FGF14: variants seen among roughly 807,000 people sequenced by gnomAD.
FGF14 encodes the protein fibroblast growth factor 14.
Under a neutral mutation model 25.5 loss-of-function variants are expected in FGF14, and 5 were observed. That is an observed-to-expected ratio of 0.20 (90% CI 0.10 to 0.41). The LOEUF (loss-of-function observed/expected upper bound fraction) is 0.41. Among genes scored for constraint, FGF14 ranks in the 10% least tolerant of loss-of-function variants. FGF14 has a pLI of 1.00. For synonymous variants in FGF14, 138 were observed against 118.3 expected, an observed-to-expected ratio of 1.17 and a Z score of -1.08; for missense variants, 222 against 320.1, an observed-to-expected ratio of 0.69 and a Z score of 2.34.
At chr13:101,843,211 G>A (rs2043277455) in intron 3 of FGF14, among the ~76,000 whole-genome samples, 1 of 151,982 alleles carries the variant, frequency 6.6e-6, no homozygotes, top group Non-Finnish European at 1.5e-5. Flanking sequence ...TTTAACACAG[G>A]TAACAGATCT....
chr13:101,846,572 G>A (rs1047731961), intron 3 of FGF14, among the ~76,000 whole-genome samples: 1 of 151,984 alleles, frequency 6.6e-6, no homozygotes, highest in East Asian at 1.9e-4. Flanking sequence ...TGGCTAAGAT[G>A]GAGAATGAAA....
chr13:102,339,694 AAGG>A (rs1219116122), intron 1 of FGF14, among the ~76,000 whole-genome samples: 6 of 152,204 alleles, frequency 3.9e-5, no homozygotes. Context: ...ATCAATCCAA[AAGG>A]AGGATAGAAA....
chr13:101,830,737 C>T (rs1246291305), intron 3 of FGF14, among the ~76,000 whole-genome samples: 1 of 152,048 alleles, frequency 6.6e-6, no homozygotes, highest in East Asian at 1.9e-4. Flanking sequence ...TTTCATCTTA[C>T]AGTTTTGCAG....
intron 1 of FGF14, among the ~76,000 whole-genome samples, chr13:102,274,857 G>A (rs1336711): frequency 0.78 from 117,293 of 151,258 alleles, 46,334 homozygotes; most frequent in African/African-American, 0.93. Context: ...TGTAACCAAT[G>A]TAGAGTTTTA....
intron 1 of FGF14, among the ~76,000 whole-genome samples, chr13:102,203,316 G>T (rs1342831713): frequency 6.6e-6 from 1 of 152,110 alleles, no homozygotes; most frequent in African/African-American, 2.4e-5. Flanking sequence ...TAAATCTCTT[G>T]AACTACGTGA....
chr13:102,305,014 A>C (rs756705600), intron 1 of FGF14, among the ~76,000 whole-genome samples: 1 of 152,216 alleles, frequency 6.6e-6, no homozygotes, highest in African/African-American at 2.4e-5. Flanking sequence ...GCAAAAAATA[A>C]CTAAAACAGT....
chr13:102,063,138 T>C (rs1292474485), intron 1 of FGF14, among the ~76,000 whole-genome samples: 3 of 152,196 alleles, frequency 2.0e-5, no homozygotes, highest in Non-Finnish European at 2.9e-5. Context: ...TGTATTCACA[T>C]AATATTATTA....
chr13:102,016,402 C>A (rs1170062374), intron 1 of FGF14, among the ~76,000 whole-genome samples: 1 of 151,846 alleles, frequency 6.6e-6, no homozygotes, highest in African/African-American at 2.4e-5. Context: ...TTAGAACAAA[C>A]AAGGAATAAT....
At chr13:102,097,017 A>G (rs1206287614) in intron 1 of FGF14, among the ~76,000 whole-genome samples, 1 of 140,956 alleles carries the variant, frequency 7.1e-6, no homozygotes, top group Non-Finnish European at 1.6e-5. Flanking sequence ...CTTCAGGCAA[A>G]TGACTGGAGG....
At chr13:102,377,310 G>C (rs1370847387) in intron 1 of FGF14, among the ~76,000 whole-genome samples, 1 of 152,236 alleles carries the variant, frequency 6.6e-6, no homozygotes, top group South Asian at 2.1e-4. Flanking sequence ...AAAAGCATCA[G>C]AGAATGGGAA....
At chr13:101,836,081 G>A (rs1345718966) in intron 3 of FGF14, among the ~76,000 whole-genome samples, 1 of 152,052 alleles carries the variant, frequency 6.6e-6, no homozygotes, top group African/African-American at 2.4e-5. Flanking sequence ...AAAACAGGCA[G>A]TAATTACTCT....
chr13:102,057,794 T>C (rs2042501372), intron 1 of FGF14, among the ~76,000 whole-genome samples: 1 of 152,198 alleles, frequency 6.6e-6, no homozygotes, highest in African/African-American at 2.4e-5. Flanking sequence ...ACTGAATACA[T>C]TTAACCACTG....
chr13:102,122,997 T>G (rs552251620), intron 1 of FGF14, among the ~76,000 whole-genome samples: 27 of 152,176 alleles, frequency 1.8e-4, no homozygotes, highest in Non-Finnish European at 3.4e-4. Flanking sequence ...AAAATTCACT[T>G]GACCAGACAC....
Position 101,715,663 on chromosome 13 carries a change from T to A in FGF14, c.*7168A>T. 1 of 1,570,082 alleles carries A rather than the reference T, an allele frequency of 6.4e-7. No homozygotes were observed. Among genetic ancestry groups the A allele is most frequent in the Non-Finnish European group, 8.8e-7 (1 of 1,140,036 alleles). On this transcript the variant is annotated 3_prime_UTR_variant, in exon 5 of 5. Transcript: ENST00000376143. ...GCTCAGAATATCCTTAACAATTACATGAGAGAGGTCTGGATTCTTATTTTT... is the reference window on the plus strand; with the variant it reads ...GCTCAGAATATCCTTAACAATTACAAGAGAGAGGTCTGGATTCTTATTTTT...
intron 3 of FGF14, among the ~76,000 whole-genome samples, chr13:101,730,874 G>A (rs2035763251): frequency 6.6e-6 from 1 of 152,148 alleles, no homozygotes; most frequent in African/African-American, 2.4e-5. Context: ...TGAAGACAGT[G>A]GTAGAAGCAA....
rs2049365890 is a variant in FGF14 at position 102,196,652 on chromosome 13, C to A, written c.208+204819G>T. Among the ~76,000 whole-genome samples the A allele has an allele frequency of 2.6e-5, 4 of 152,272 alleles. No homozygotes were observed. The South Asian group carries it at 8.3e-4, about 32-fold the overall frequency. On this transcript the variant is annotated intron_variant, in intron 1 of 4. Coordinates refer to the FGF14 transcript ENST00000376131. ...TGAATGATTAAATCAGACTAATTAA[C>A]AAATTCATCACCTCACATATAATTT...
chr13:102,385,424 C>T (rs536821621), intron 1 of FGF14, among the ~76,000 whole-genome samples: 1 of 152,182 alleles, frequency 6.6e-6, no homozygotes, highest in African/African-American at 2.4e-5. Context: ...TACCAATAAC[C>T]AAGATGCCTG....
chr13:101,878,268 T>C (rs2045508492), intron 1 of FGF14, among the ~76,000 whole-genome samples: 2 of 152,200 alleles, frequency 1.3e-5, no homozygotes, highest in African/African-American at 4.8e-5. Context: ...CACATCTGTG[T>C]AGGCATGCAC....
intron 3 of FGF14, among the ~76,000 whole-genome samples, chr13:101,812,485 T>C (rs996668692): frequency 1.3e-5 from 2 of 151,082 alleles, no homozygotes; most frequent in Admixed American, 1.3e-4. Flanking sequence ...ATAGATCTTT[T>C]ATATTTAGTT....
Sources: allele counts gnomAD v4.1 joint callset (sites outside exome capture counted in the v4.1 genomes callset), GRCh38; gene constraint gnomAD v4.1.1; transcripts MANE v1.5; gene names NCBI Gene and HGNC (gene_info 2026-07-23, HGNC 2026-07-21).